Variants in SMG7 observed in about 807,000 individuals in gnomAD.
SMG7 encodes the protein SMG7 nonsense mediated mRNA decay factor, also known as nonsense-mediated mRNA decay factor SMG7.
SMG7 carries 34 observed loss-of-function variants against 148.2 expected under a neutral mutation model. The ratio of observed to expected loss-of-function variants is 0.23; its 90% CI spans 0.17 to 0.31. The LOEUF (loss-of-function observed/expected upper bound fraction) is 0.31, where lower values mean the gene tolerates loss of function less well. Ranked by LOEUF, SMG7 falls within the 10% of genes least tolerant of loss-of-function variation. SMG7 has a pLI of 1.00. For synonymous variants in SMG7, 492 were observed against 515.1 expected, an observed-to-expected ratio of 0.96 and a Z score of 0.61; for missense variants, 1,114 against 1,408.4, an observed-to-expected ratio of 0.79 and a Z score of 3.35.
intron 15 of SMG7, 82 bp from the exon 16 acceptor site, chr1:183,544,848 C>A: frequency 1.4e-6 from 2 of 1,409,364 alleles, no homozygotes; most frequent in Non-Finnish European, 2.0e-6. Context: ...CTCCCTCTAC[C>A]TACCTGTTAA....
At chr1:183,517,543 T>G in intron 3 of SMG7, 145 bp from the exon 4 acceptor site, 1 of 796,480 alleles carries the variant, frequency 1.3e-6, no homozygotes, top group Non-Finnish European at 2.1e-6. Flanking sequence ...AGCATAAAGT[T>G]ATTTAAATAA....
intron 17 of SMG7, among the ~76,000 whole-genome samples, chr1:183,546,787 T>C (rs1195907123): frequency 6.6e-6 from 1 of 152,272 alleles, no homozygotes; most frequent in African/African-American, 2.4e-5. Context: ...AGTAACTTTT[T>C]AAAAGATCTG....
At chr1:183,494,331 T>TG (rs1162021707) in intron 1 of SMG7, among the ~76,000 whole-genome samples, 1 of 151,676 alleles carries the variant, frequency 6.6e-6, no homozygotes, top group Admixed American at 6.6e-5. Flanking sequence ...CTATATTTGT[T>TG]TTAAGTTTCA....
chr1:183,483,250 A>G (rs1358135263), intron 1 of SMG7, among the ~76,000 whole-genome samples: 1 of 152,140 alleles, frequency 6.6e-6, no homozygotes, highest in African/African-American at 2.4e-5. Context: ...CCAAAGACAT[A>G]TAATAGTATT....
In SMG7 at chr1:183,549,857, C is replaced by A; in HGVS notation, c.3067C>A (p.Gln1023Lys). 6.2e-7 allele frequency: 1 copy of A among 1,613,880 alleles called. No individual in the cohort carries two copies. The highest frequency in any genetic ancestry group is 8.5e-7 in the Non-Finnish European group (1 of 1,179,778). Residue 1023 changes from glutamine to lysine, a missense_variant, in exon 20 of 23, where the codon CAG becomes AAG. Physicochemically the swap from Gln to Lys is moderately conservative, Grantham distance 53 (BLOSUM62 1). Coordinates refer to ENST00000688051, the MANE Select transcript of SMG7 (RefSeq NM_001375584.1). ...AGAACTCAGTCCCTCAATGGCCCCC[C>A]AGGAAACATCTCTGTATTCCCTTTT... ...KAELSPSMAP[Q>K]ETSLYSLFEG...
chr1:183,552,552 TC>T lies in SMG7; in HGVS notation c.*623del. 1.0e-6 allele frequency: 1 copy of T among 1,004,410 alleles called. No homozygotes were observed. Among genetic ancestry groups the T allele is most frequent in the South Asian group, 4.3e-5 (1 of 23,236 alleles). 62.2% of individuals were successfully genotyped at this position (1,004,410 alleles called of 1,614,324 possible). ...CGACCTCTTCAGCCAGTGGAAATGT[TC>T]CATAAGGGAGAGTTCAAGGCCTGTC... On this transcript the variant is annotated 3_prime_UTR_variant, in exon 23 of 23. Coordinates refer to ENST00000688051, the MANE Select transcript of SMG7 (RefSeq NM_001375584.1).
At chr1:183,473,425 T>C (rs978900194) in intron 1 of SMG7, among the ~76,000 whole-genome samples, 5 of 151,888 alleles carry the variant, frequency 3.3e-5, no homozygotes, top group Admixed American at 2.0e-4. Flanking sequence ...AGTGTGTGTG[T>C]GTGCGAGATG....
At chr1:183,488,766 C>G (rs1428606401) in intron 1 of SMG7, among the ~76,000 whole-genome samples, 3 of 145,892 alleles carry the variant, frequency 2.1e-5, no homozygotes, top group Non-Finnish European at 4.5e-5. Flanking sequence ...TCACTGCAAC[C>G]TCCACCTCCC....
At chr1:183,479,013 T>C (rs921151609) in intron 1 of SMG7, among the ~76,000 whole-genome samples, 2 of 152,184 alleles carry the variant, frequency 1.3e-5, no homozygotes, top group Non-Finnish European at 2.9e-5. Context: ...CAAGGAAATA[T>C]AAGAGTGGAA....
At chr1:183,528,589 C>T (rs774021979) in intron 6 of SMG7, among the ~76,000 whole-genome samples, 6 of 152,192 alleles carry the variant, frequency 3.9e-5, no homozygotes, top group Non-Finnish European at 7.3e-5. Flanking sequence ...TTTCACACTA[C>T]AGTGGCAGAG....
At chr1:183,544,587 A>G in intron 15 of SMG7, 90 bp downstream of exon 15, 2 of 1,395,412 alleles carry the variant, frequency 1.4e-6, no homozygotes, top group Non-Finnish European at 2.0e-6. Flanking sequence ...TGTTGGAGTA[A>G]TGTTACTAAG....
intron 13 of SMG7, 121 bp downstream of exon 13, chr1:183,541,224 T>G (rs1279518765): frequency 1.1e-6 from 1 of 875,726 alleles, no homozygotes; most frequent in Non-Finnish European, 1.8e-6. Context: ...TTGGTATAAA[T>G]ATTGTCAATC....
chr1:183,477,014 G>GA (rs916562150), intron 1 of SMG7, among the ~76,000 whole-genome samples: 1 of 151,902 alleles, frequency 6.6e-6, no homozygotes, highest in African/African-American at 2.4e-5. Context: ...ATGGCATTTT[G>GA]AAAAAAAGAA....
intron 2 of SMG7, among the ~76,000 whole-genome samples, chr1:183,515,313 C>A (rs766440130): frequency 6.6e-6 from 1 of 152,118 alleles, no homozygotes; most frequent in African/African-American, 2.4e-5. Context: ...ACTGTCATGG[C>A]TTATTCGGTC....
At chr1:183,516,610 G>C (rs999498338) in intron 3 of SMG7, among the ~76,000 whole-genome samples, 1 of 152,188 alleles carries the variant, frequency 6.6e-6, no homozygotes, top group East Asian at 1.9e-4. Context: ...AGGGACATTA[G>C]CCTGATAGAA....
intron 4 of SMG7, among the ~76,000 whole-genome samples, chr1:183,525,740 C>A (rs1665707797): frequency 6.6e-6 from 1 of 151,878 alleles, no homozygotes; most frequent in African/African-American, 2.4e-5. Flanking sequence ...AAGAAGAGCC[C>A]CTCATACTTT....
chr1:183,543,499 TGAACTA>T (rs1485890803), intron 14 of SMG7, among the ~76,000 whole-genome samples: 1 of 147,282 alleles, frequency 6.8e-6, no homozygotes, highest in African/African-American at 2.5e-5. Context: ...AAAAAAAAAA[TGAACTA>T]GAAAGCCAAA....
At chr1:183,477,647 C>CAT (rs1384244689) in intron 1 of SMG7, among the ~76,000 whole-genome samples, 1 of 60,136 alleles carries the variant, frequency 1.7e-5, no homozygotes, top group African/African-American at 7.3e-5. Context: ...TGCATATATA[C>CAT]GTGTGTGCAT....
chr1:183,543,775 T>C (rs1193773768), intron 14 of SMG7, among the ~76,000 whole-genome samples: 1 of 152,186 alleles, frequency 6.6e-6, no homozygotes, highest in Non-Finnish European at 1.5e-5. Context: ...TGACATCTAC[T>C]CTCTGGCTCC....
Sources: allele counts gnomAD v4.1 joint callset (sites outside exome capture counted in the v4.1 genomes callset), GRCh38; gene constraint gnomAD v4.1.1; transcripts MANE v1.5; gene names NCBI Gene and HGNC (gene_info 2026-07-23, HGNC 2026-07-21).